STK3: variants seen among roughly 807,000 people sequenced by gnomAD.
The protein encoded by STK3 is serine/threonine-protein kinase 3.
In STK3, 41 loss-of-function variants were observed where a neutral mutation model predicts 58.0. The ratio of observed to expected loss-of-function variants is 0.71; its 90% CI spans 0.55 to 0.92. The LOEUF is 0.92. STK3 is among the 40% of genes least tolerant of loss of function. The probability of loss-of-function intolerance (pLI) is 0.00; values close to 1 mark genes in which losing one functional copy is unlikely to be tolerated. For missense variants in STK3, 479 were observed against 602.7 expected (o/e 0.79, Z 2.15); for synonymous variants, 170 against 191.0 (o/e 0.89, Z 0.91).
intron 3 of STK3, among the ~76,000 whole-genome samples, chr8:98,404,543 G>A (rs1444129030): frequency 6.6e-6 from 1 of 152,086 alleles, no homozygotes; most frequent in East Asian, 1.9e-4. Context: ...AGCCAGGCAC[G>A]GTGGCGGATG....
chr8:98,370,939 A>G (rs931169504), downstream of STK3, among the ~76,000 whole-genome samples: 2 of 152,206 alleles, frequency 1.3e-5, no homozygotes, highest in Non-Finnish European at 2.9e-5. Flanking sequence ...ATGTAGGGGT[A>G]TTATATGTGA....
chr8:98,585,413 C>A (rs1246942012), intron 7 of STK3, among the ~76,000 whole-genome samples: 4 of 151,264 alleles, frequency 2.6e-5, no homozygotes, highest in African/African-American at 7.3e-5. Context: ...TGTAGATATG[C>A]GGCATTATTT....
chr8:98,534,269 G>A (rs1809580312), intron 9 of STK3, among the ~76,000 whole-genome samples: 1 of 152,096 alleles, frequency 6.6e-6, no homozygotes, highest in African/African-American at 2.4e-5. Context: ...GGACCCAAAT[G>A]GTACCCACTG....
rs565025301 is a variant in STK3 at position 98,714,606 on chromosome 8, T to C, written c.352-7295A>G. Among the ~76,000 whole-genome samples the C allele has an allele frequency of 8.6e-4, 131 of 152,190 alleles. 1 individual carries two copies. Among genetic ancestry groups the C allele is most frequent in the African/African-American group, 2.9e-3 (121 of 41,522 alleles). ...TGAAGGACCTCTTTAAGGAGAACTA[T>C]AAACCACTGCTCAATGAAATAAAAG... On this transcript the variant is annotated intron_variant, in intron 4 of 10. Transcript: ENST00000419617.
intron 6 of STK3, among the ~76,000 whole-genome samples, chr8:98,614,444 T>G (rs1370642823): frequency 1.3e-5 from 2 of 152,122 alleles, no homozygotes; most frequent in South Asian, 4.2e-4. Flanking sequence ...GATGTCTCGA[T>G]CGGGGGAGGA....
downstream of STK3, chr8:98,880,666 A>C (rs910197672): frequency 1.3e-5 from 2 of 152,242 alleles, no homozygotes; most frequent in Non-Finnish European, 2.9e-5. Context: ...GGCAAAAGAC[A>C]TGAAAAGATC....
chr8:98,619,669 A>G (rs1489427424), intron 6 of STK3, among the ~76,000 whole-genome samples: 1 of 130,094 alleles, frequency 7.7e-6, no homozygotes, highest in East Asian at 2.3e-4. Context: ...ATGAACAGAC[A>G]CTTCTCAAAA....
chr8:98,756,442 A>C (rs1275476408), intron 3 of STK3, among the ~76,000 whole-genome samples: 1 of 152,208 alleles, frequency 6.6e-6, no homozygotes, highest in African/African-American at 2.4e-5. Flanking sequence ...TGTAGGCAGA[A>C]GCCTGACCAT....
At chr8:98,770,016 G>A (rs1295369709) in intron 2 of STK3, among the ~76,000 whole-genome samples, 1 of 152,082 alleles carries the variant, frequency 6.6e-6, no homozygotes, top group South Asian at 2.1e-4. Flanking sequence ...TAAAGTTAAG[G>A]TATCTAACAA....
chr8:98,700,286 G>C (rs1264223364), intron 6 of STK3, among the ~76,000 whole-genome samples: 4 of 152,212 alleles, frequency 2.6e-5, no homozygotes, highest in Non-Finnish European at 4.4e-5. Context: ...TCTTTGACTA[G>C]GAAAGGGAAC....
At chr8:98,706,355 AAAAAG>A in intron 6 of STK3, 107 bp downstream of exon 6, 1 of 1,137,724 alleles carries the variant, frequency 8.8e-7, no homozygotes, top group Non-Finnish European at 1.2e-6. Context: ...TACCATTTTT[AAAAAG>A]AATACATTTA....
intron 3 of STK3, among the ~76,000 whole-genome samples, chr8:98,765,050 C>T (rs539163652): frequency 2.6e-5 from 4 of 152,270 alleles, no homozygotes; most frequent in South Asian, 2.1e-4. Context: ...GAAATCTGAA[C>T]AAGATTTGAG....
chr8:98,664,398 G>A (rs996462382), intron 6 of STK3, among the ~76,000 whole-genome samples: 1 of 152,144 alleles, frequency 6.6e-6, no homozygotes, highest in Non-Finnish European at 1.5e-5. Context: ...GGATCTCATA[G>A]GGTTAACTAT....
At chr8:98,743,564 C>T (rs1226640966) in intron 4 of STK3, among the ~76,000 whole-genome samples, 2 of 152,170 alleles carry the variant, frequency 1.3e-5, no homozygotes, top group African/African-American at 4.8e-5. Context: ...CCCTTCCTTA[C>T]ACTTTATACA....
At chr8:98,709,870 C>T (rs1826257889) in intron 4 of STK3, among the ~76,000 whole-genome samples, 2 of 151,974 alleles carry the variant, frequency 1.3e-5, no homozygotes, top group Admixed American at 1.3e-4. Context: ...CCACAAAGAT[C>T]AGGAACAATG....
intron 4 of STK3, among the ~76,000 whole-genome samples, chr8:98,714,761 T>C (rs1406756964): frequency 6.6e-6 from 1 of 152,194 alleles, no homozygotes; most frequent in Non-Finnish European, 1.5e-5. Flanking sequence ...ATGACTTTCT[T>C]CACAGAATTG....
intron 10 of STK3, among the ~76,000 whole-genome samples, chr8:98,492,662 C>T (rs1183150604): frequency 6.6e-6 from 1 of 151,868 alleles, no homozygotes; most frequent in East Asian, 1.9e-4. Context: ...CCTACAATGG[C>T]AGTTAAGATT....
intron 4 of STK3, among the ~76,000 whole-genome samples, chr8:98,734,907 T>C (rs574734652): frequency 6.6e-6 from 1 of 151,912 alleles, no homozygotes; most frequent in Non-Finnish European, 1.5e-5. Context: ...GGCCTATGGT[T>C]AAAATTATCA....
Position 98,599,503 on chromosome 8 carries a change from T to C in STK3, c.685-3334A>G, listed in dbSNP as rs1211861523. On this transcript the variant is annotated intron_variant, in intron 6 of 10. Coordinates refer to ENST00000419617, the MANE Select transcript of STK3 (RefSeq NM_006281.4). ...GATGTTTATCAGGTCCCGTACTGGG[T>C]ATAAAAAGACCCTGGCACTCTTTAC... is the stretch of plus-strand genomic sequence containing the variant. 3.3e-5 allele frequency among the ~76,000 whole-genome samples: 5 copies of C among 151,832 alleles called. No homozygotes were observed. In the East Asian group the frequency reaches 9.6e-4, roughly 29 times the overall value.
Sources: allele counts gnomAD v4.1 joint callset (sites outside exome capture counted in the v4.1 genomes callset), GRCh38; gene constraint gnomAD v4.1.1; transcripts MANE v1.5; gene names NCBI Gene and HGNC (gene_info 2026-07-23, HGNC 2026-07-21).